Variants in SALL3 observed in about 807,000 individuals in gnomAD.
SALL3 encodes spalt like transcription factor 3, also known as sal-like protein 3.
SALL3 carries 25 observed loss-of-function variants against 66.2 expected under a neutral mutation model. The ratio of observed to expected loss-of-function variants is 0.38; its 90% CI spans 0.28 to 0.53. The LOEUF is 0.53. Ranked by LOEUF, SALL3 falls within the 20% of genes least tolerant of loss-of-function variation. The pLI is 0.85. For missense variants in SALL3, 2,194 were observed against 1,916.5 expected, an observed-to-expected ratio of 1.14 and a Z score of -2.70; for synonymous variants, 1,152 against 899.1, an observed-to-expected ratio of 1.28 and a Z score of -5.03.
Position 78,992,243 on chromosome 18 carries a change from G to A in SALL3, c.252G>A (p.Glu84=). ...TCCCGCCCGTGCTGATCGTGCACGA[G>A]GACGCGCCCGCGCCGCCCCCCGAGG... is the stretch of plus-strand genomic sequence containing the variant. ...TKLPPVLIVH[E]DAPAPPPEDF... Residue 84 remains glutamate (E), a synonymous_variant, in exon 2 of 3, where the codon GAG becomes GAA. Transcript: ENST00000537592. The A allele has an allele frequency of 1.3e-6, 2 of 1,590,236 alleles. No homozygotes were observed. Among genetic ancestry groups the A allele is most frequent in the Non-Finnish European group, 1.7e-6 (2 of 1,172,394 alleles).
intron 1 of SALL3, among the ~76,000 whole-genome samples, chr18:78,989,758 A>G (rs1914363684): frequency 6.6e-6 from 1 of 152,206 alleles, no homozygotes; most frequent in Non-Finnish European, 1.5e-5. Flanking sequence ...GTTCCTTTTT[A>G]AAATATTTTG....
intron 1 of SALL3, among the ~76,000 whole-genome samples, chr18:78,986,780 TA>T (rs1273111031): frequency 1.3e-5 from 2 of 152,130 alleles, no homozygotes; most frequent in Admixed American, 6.5e-5. Flanking sequence ...TTGTAATGAG[TA>T]AAAAACATGC....
intron 2 of SALL3, 54 bp downstream of exon 2, chr18:78,995,516 C>G (rs946725959): frequency 2.5e-5 from 37 of 1,495,416 alleles, no homozygotes; most frequent in Non-Finnish European, 2.7e-5. Flanking sequence ...GCCACGGTGG[C>G]TTTCTCCATC....
At position 78,998,350 on chromosome 18, in the gene SALL3, G is replaced by C. The variant is rs867127761; in HGVS notation, c.*1028G>C. On this transcript the variant is annotated 3_prime_UTR_variant, in exon 3 of 3. Coordinates refer to ENST00000537592, the MANE Select transcript of SALL3 (RefSeq NM_171999.4). ...TCAGTTTAAGGAAAATGGGAAAACT[G>C]TTACAGTTCCTTGTTTTGTCTTATG... is the stretch of plus-strand genomic sequence containing the variant. The C allele has an allele frequency of 2.0e-5, 3 of 152,276 alleles. No individual in the cohort carries two copies. The highest frequency in any genetic ancestry group is 6.5e-5 in the Admixed American group (1 of 15,296). 9.4% of individuals were successfully genotyped at this position (152,276 alleles called of 1,614,324 possible).
In SALL3 at chr18:78,993,832, G is replaced by A. The variant is rs759241423; in HGVS notation, c.1841G>A (p.Gly614Asp). Residue 614 changes from glycine (G) to aspartate (D), a missense_variant, in exon 2 of 3, where the codon GGC (glycine) becomes GAC (aspartate). Gly to Asp is a moderately conservative substitution (Grantham distance 94, BLOSUM62 -1). Coordinates refer to ENST00000537592, the MANE Select transcript of SALL3 (RefSeq NM_171999.4). Reference sequence around the variant, plus strand: ...GCCAGGGCCGGGGACGCTCCCGTGGGCGCGCAGGCTAGCGCTGCACCCACA... The same window carrying A: ...GCCAGGGCCGGGGACGCTCCCGTGGACGCGCAGGCTAGCGCTGCACCCACA... ...TNARAGDAPVGAQASAAPTSV... is the reference protein window; with the variant it reads ...TNARAGDAPVDAQASAAPTSV... 1.3e-6 allele frequency: 2 copies of A among 1,553,592 alleles called. No homozygotes were observed. The highest frequency in any genetic ancestry group is 1.7e-6 in the Non-Finnish European group (2 of 1,152,174).
At position 78,998,650 on chromosome 18, in the gene SALL3, T is replaced by C. The variant is rs1202748064; in HGVS notation, c.*1328T>C. On this transcript the variant is annotated 3_prime_UTR_variant, in exon 3 of 3. Transcript: ENST00000537592. ...CTCTCTCTCTCACCCACAGACAAGA[T>C]TGTGGCTGCCTGGTGGCACTGGTCA... is the stretch of plus-strand genomic sequence containing the variant. The C allele has an allele frequency of 6.6e-6, 1 of 152,370 alleles. No individual in the cohort carries two copies. The highest frequency in any genetic ancestry group is 2.4e-5 in the African/African-American group (1 of 41,590). The allele number at this position is 152,370 out of a possible 1,614,324, so 9.4% of individuals were successfully genotyped here. A position where few individuals can be genotyped will look rare whatever the true frequency, so the allele number is the denominator to read the frequency against.
In SALL3 at chr18:78,996,968, T is replaced by C. The variant is rs1487743005; in HGVS notation, c.3549T>C (p.Ala1183=). Residue 1183 remains alanine (A), a synonymous_variant, in exon 3 of 3, where the codon GCT becomes GCC. Coordinates refer to ENST00000537592, the MANE Select transcript of SALL3 (RefSeq NM_171999.4). ...GCCTGTCTGTGGAGAACCCCATGGC[T>C]CTCCTAGGGGGTGATGCCCTGAAGT... is the stretch of plus-strand genomic sequence containing the variant. ...GRRLSVENPM[A]LLGGDALKFS... is the part of the protein sequence containing the mutation. 5.0e-6 allele frequency: 8 copies of C among 1,613,644 alleles called. No homozygotes were observed. The highest frequency in any genetic ancestry group is 5.9e-6 in the Non-Finnish European group (7 of 1,179,958).
Position 78,992,007 on chromosome 18 carries a change from T to C in SALL3, c.83-67T>C, listed in dbSNP as rs1057309950. 296 of 1,286,102 alleles carry C rather than the reference T, an allele frequency of 2.3e-4. 2 individuals are homozygous for C. The highest frequency in any genetic ancestry group is 1.8e-4 in the Admixed American group (5 of 27,926). The allele number at this position is 1,286,102 out of a possible 1,614,324, so 79.7% of individuals were successfully genotyped here. On this transcript the variant is annotated intron_variant, in intron 1 of 2. Transcript: ENST00000537592. ...ACAAAATAAAAAATATTGATTTTAC[T>C]CGTGCAAAATTTTGAGACGGAGGGC...
At position 78,995,465 on chromosome 18, in the gene SALL3, AAG is replaced by A; in HGVS notation, c.3471+6_3471+7del. The A allele has an allele frequency of 1.3e-6, 2 of 1,550,248 alleles. No individual in the cohort carries two copies. Among genetic ancestry groups the A allele is most frequent in the South Asian group, 2.4e-5 (2 of 82,032 alleles). On this transcript the variant is annotated splice_donor_5th_base_variant and intron_variant, in intron 2 of 2. Coordinates refer to ENST00000537592, the MANE Select transcript of SALL3 (RefSeq NM_171999.4). Reference sequence around the variant, plus strand: ...TCACCACTAAGGGCAACCTCAAGGTAAGAGCATGGCAGGCTCCAGCCCCGGCT... The same window carrying A: ...TCACCACTAAGGGCAACCTCAAGGTAAGCATGGCAGGCTCCAGCCCCGGCT...
chr18:78,980,058 G>A lies in SALL3; in HGVS notation c.-217G>A, dbSNP rs1261816942. Among the ~76,000 whole-genome samples, 2 of 145,964 alleles carry A rather than the reference G, an allele frequency of 1.4e-5. No individual in the cohort carries two copies. Among genetic ancestry groups the A allele is most frequent in the African/African-American group, 2.5e-5 (1 of 40,702 alleles). On this transcript the variant is annotated 5_prime_UTR_variant, in exon 1 of 3. Coordinates refer to ENST00000537592, the MANE Select transcript of SALL3 (RefSeq NM_171999.4). The stretch of plus-strand genomic sequence containing the variant: ...TGCGAGCGCGGCCTCATTTGCATAG[G>A]CCGCCGGAGTCCGCTGGAGCCCGGC...
Position 78,993,192 on chromosome 18 carries a change from C to G in SALL3, c.1201C>G (p.Pro401Ala). The G allele has an allele frequency of 6.2e-7, 1 of 1,610,608 alleles. No homozygotes were observed. Among genetic ancestry groups the G allele is most frequent in the Non-Finnish European group, 8.5e-7 (1 of 1,179,268 alleles). ...GCTCATGAAGCACCGCAAGGGCAAG[C>G]CGCCCAATGTGTCGGTGTTCGAGCC... ...SALMKHRKGK[P>A]PNVSVFEPKA... Residue 401 changes from proline (P) to alanine (A), a missense_variant, in exon 2 of 3, where the codon CCG (proline) becomes GCG (alanine). By Grantham distance (27) the Pro-to-Ala change is conservative. Coordinates refer to ENST00000537592, the MANE Select transcript of SALL3 (RefSeq NM_171999.4).
rs969114408 is a variant in SALL3 at position 78,980,026 on chromosome 18, C to A, written c.-249C>A. Among the ~76,000 whole-genome samples, 50 of 146,032 alleles carry A rather than the reference C, an allele frequency of 3.4e-4. No individual in the cohort carries two copies. The highest frequency in any genetic ancestry group is 5.9e-4 in the Non-Finnish European group (39 of 65,680). ...GCGGCCCCCTCCTCGTCGGCGCGGC[C>A]GCTAATTGCGAGCGCGGCCTCATTT... is the stretch of plus-strand genomic sequence containing the variant. On this transcript the variant is annotated 5_prime_UTR_variant, in exon 1 of 3. Coordinates refer to ENST00000537592, the MANE Select transcript of SALL3 (RefSeq NM_171999.4).
In SALL3 at chr18:78,994,345, A is replaced by G. The variant is rs1914597445; in HGVS notation, c.2354A>G (p.Tyr785Cys). 6.2e-7 allele frequency: 1 copy of G among 1,613,590 alleles called. No homozygotes were observed. Among genetic ancestry groups the G allele is most frequent in the South Asian group, 1.1e-5 (1 of 91,078 alleles). Residue 785 changes from tyrosine to cysteine, a missense_variant, in exon 2 of 3, where the codon TAC becomes TGC. Physicochemically the swap from Tyr to Cys is radical, Grantham distance 194 (BLOSUM62 -2). Transcript: ENST00000537592. ...FQDAMDSELA[Y>C]DDKNAETLSS... is the part of the protein sequence containing the mutation. ...GATGCCATGGACTCCGAGCTGGCCT[A>G]CGACGACAAGAACGCGGAGACCCTG...
chr18:78,986,004 A>G (rs953674873), intron 1 of SALL3, among the ~76,000 whole-genome samples: 2 of 152,238 alleles, frequency 1.3e-5, no homozygotes, highest in Non-Finnish European at 2.9e-5. Context: ...CATTAGGCAT[A>G]GATAGTGATA....
chr18:78,983,417 G>C (rs952109319), intron 1 of SALL3, among the ~76,000 whole-genome samples: 1 of 152,140 alleles, frequency 6.6e-6, no homozygotes, highest in Non-Finnish European at 1.5e-5. Flanking sequence ...TTTTGTTGTT[G>C]TTAGAAAATA....
chr18:78,996,598 C>T (rs1914701344), intron 2 of SALL3, among the ~76,000 whole-genome samples: 1 of 152,218 alleles, frequency 6.6e-6, no homozygotes, highest in Non-Finnish European at 1.5e-5. Context: ...AGCTCCAGAA[C>T]ATTCTCTGCG....
At chr18:78,982,216 A>G (rs767634535) in intron 1 of SALL3, among the ~76,000 whole-genome samples, 18 of 152,248 alleles carry the variant, frequency 1.2e-4, no homozygotes, top group Non-Finnish European at 2.1e-4. Context: ...TTGAAAGCCT[A>G]AGATGGGATA....
rs1332729147 is a variant in SALL3 at position 78,979,930 on chromosome 18, C to G, written c.-345C>G. On this transcript the variant is annotated 5_prime_UTR_variant, in exon 1 of 3. Transcript: ENST00000537592. ...CCGCCACAGCCGCACCCGGGGCGGC[C>G]GAGGAGCGCGGCGCCGGAGCCCGCG... 6.9e-6 allele frequency among the ~76,000 whole-genome samples: 1 copy of G among 144,486 alleles called. No individual in the cohort carries two copies. Among genetic ancestry groups the G allele is most frequent in the Non-Finnish European group, 1.5e-5 (1 of 65,118 alleles). 94.8% of individuals were successfully genotyped at this position (144,486 alleles called of 152,430 possible).
intron 1 of SALL3, among the ~76,000 whole-genome samples, chr18:78,980,818 G>C (rs1914027682): frequency 6.6e-6 from 1 of 152,220 alleles, no homozygotes; most frequent in South Asian, 2.1e-4. Context: ...GGGGCCCGCG[G>C]CCCCTCCCGG....
Sources: allele counts gnomAD v4.1 joint callset (sites outside exome capture counted in the v4.1 genomes callset), GRCh38; gene constraint gnomAD v4.1.1; transcripts MANE v1.5; gene names NCBI Gene and HGNC (gene_info 2026-07-23, HGNC 2026-07-21).